ADARB2: variants seen among roughly 807,000 people sequenced by gnomAD.
ADARB2 encodes inactive double-stranded RNA-specific editase B2.
A neutral mutation model predicts 62.2 loss-of-function variants in ADARB2; 25 were observed. The ratio of observed to expected loss-of-function variants is 0.40; its 90% CI spans 0.29 to 0.56. The LOEUF (loss-of-function observed/expected upper bound fraction) is 0.56, where lower values mean the gene tolerates loss of function less well. Among genes scored for constraint, ADARB2 ranks in the 20% least tolerant of loss-of-function variants. The probability of loss-of-function intolerance (pLI) is 0.43; values close to 1 mark genes in which losing one functional copy is unlikely to be tolerated. For synonymous variants in ADARB2, 572 were observed against 500.8 expected, an observed-to-expected ratio of 1.14 and a Z score of -1.90; for missense variants, 1,071 against 1,077.4, an observed-to-expected ratio of 0.99 and a Z score of 0.08.
chr10:1,506,622 CAT>C (rs1831856166), intron 1 of ADARB2, among the ~76,000 whole-genome samples: 1 of 152,362 alleles, frequency 6.6e-6, no homozygotes, highest in South Asian at 2.1e-4. Flanking sequence ...TGCAGGGTCT[CAT>C]GTGGCTGTCC....
chr10:1,703,550 G>C (rs1305208231), intron 1 of ADARB2, among the ~76,000 whole-genome samples: 1 of 152,186 alleles, frequency 6.6e-6, no homozygotes, highest in Non-Finnish European at 1.5e-5. Flanking sequence ...GAACTGGAAA[G>C]TGAGGTATGT....
chr10:1,282,139 T>C (rs1220013708), intron 3 of ADARB2, among the ~76,000 whole-genome samples: 2 of 152,194 alleles, frequency 1.3e-5, no homozygotes, highest in Non-Finnish European at 2.9e-5. Context: ...CTCCAGGAAG[T>C]GGAGTTAGAA....
intron 1 of ADARB2, among the ~76,000 whole-genome samples, chr10:1,611,888 C>T (rs1434860388): frequency 1.3e-5 from 2 of 152,160 alleles, no homozygotes; most frequent in East Asian, 3.9e-4. Flanking sequence ...CCATGCACCC[C>T]AGATGCGTGG....
intron 1 of ADARB2, among the ~76,000 whole-genome samples, chr10:1,531,127 C>A (rs976978954): frequency 2.6e-5 from 4 of 152,226 alleles, no homozygotes; most frequent in African/African-American, 9.6e-5. Context: ...ATGTCCTGCC[C>A]GTGGGCCACC....
chr10:1,484,820 T>C (rs537888181), intron 1 of ADARB2, among the ~76,000 whole-genome samples: 19 of 152,130 alleles, frequency 1.2e-4, no homozygotes, highest in Non-Finnish European at 2.1e-4. Flanking sequence ...CCACCTATGT[T>C]GGCATGCAGG....
intron 1 of ADARB2, among the ~76,000 whole-genome samples, chr10:1,501,431 T>G (rs1831767451): frequency 6.6e-6 from 1 of 152,184 alleles, no homozygotes; most frequent in Non-Finnish European, 1.5e-5. Context: ...TCAGGGAGTT[T>G]GGTAAATTGC....
intron 1 of ADARB2, among the ~76,000 whole-genome samples, chr10:1,570,204 T>A (rs573080165): frequency 2.6e-4 from 39 of 152,328 alleles, no homozygotes; most frequent in Middle Eastern, 3.4e-3. Context: ...ACAGTATATG[T>A]TGAAGTTGAG....
In ADARB2 at chr10:1,208,055, C is replaced by T. The variant is rs556951745; in HGVS notation, c.1683-7908G>A. On this transcript the variant is annotated intron_variant, in intron 7 of 9. Transcript: ENST00000381312. ...GGCAGGGTTTGGTCTCCAGGGCACTCCTAACCTTACCTTGTGGCTTTGCAG... is the reference window on the plus strand; with the variant it reads ...GGCAGGGTTTGGTCTCCAGGGCACTTCTAACCTTACCTTGTGGCTTTGCAG... 5.9e-5 allele frequency among the ~76,000 whole-genome samples: 9 copies of T among 152,342 alleles called. No individual in the cohort carries two copies. The South Asian group carries it at 1.7e-3, about 28-fold the overall frequency.
chr10:1,282,352 C>A (rs1459618013), intron 3 of ADARB2, among the ~76,000 whole-genome samples: 2 of 152,208 alleles, frequency 1.3e-5, no homozygotes, highest in African/African-American at 2.4e-5. Flanking sequence ...CCCAGTGAAG[C>A]CCTTTCCGGG....
At chr10:1,354,929 G>A (rs1832180201) in intron 3 of ADARB2, among the ~76,000 whole-genome samples, 2 of 152,224 alleles carry the variant, frequency 1.3e-5, no homozygotes, top group Admixed American at 6.5e-5. Flanking sequence ...TAGCCTCTGA[G>A]CTCCATGGAG....
chr10:1,545,146 C>T (rs933614310), intron 1 of ADARB2, among the ~76,000 whole-genome samples: 4 of 152,148 alleles, frequency 2.6e-5, no homozygotes, highest in African/African-American at 7.2e-5. Context: ...CTGTGTCATG[C>T]GGTGCCACTT....
chr10:1,584,400 C>T (rs1363523730), intron 1 of ADARB2, among the ~76,000 whole-genome samples: 4 of 152,152 alleles, frequency 2.6e-5, no homozygotes, highest in Non-Finnish European at 5.9e-5. Flanking sequence ...GATGCCACTA[C>T]ACCCCTAATA....
At chr10:1,241,947 A>C (rs1025963539) in intron 5 of ADARB2, among the ~76,000 whole-genome samples, 184 bp downstream of exon 5, 1 of 152,242 alleles carries the variant, frequency 6.6e-6, no homozygotes, top group Non-Finnish European at 1.5e-5. Flanking sequence ...TTCCCAGCGC[A>C]CACGGCGGCT....
At chr10:1,506,676 G>C (rs1199075933) in intron 1 of ADARB2, among the ~76,000 whole-genome samples, 2 of 152,190 alleles carry the variant, frequency 1.3e-5, no homozygotes, top group Non-Finnish European at 2.9e-5. Context: ...TGTTCATCTC[G>C]TAAAAGAGGA....
intron 3 of ADARB2, among the ~76,000 whole-genome samples, chr10:1,273,408 C>T (rs567639586): frequency 3.6e-3 from 554 of 152,288 alleles, no homozygotes; most frequent in Non-Finnish European, 5.9e-3. Context: ...TTACAGGCTC[C>T]AGCCACTGGG....
intron 1 of ADARB2, among the ~76,000 whole-genome samples, chr10:1,524,962 T>C (rs1263339783): frequency 6.6e-6 from 1 of 152,206 alleles, no homozygotes; most frequent in African/African-American, 2.4e-5. Flanking sequence ...CACAAATACA[T>C]ACTGCTATGT....
intron 1 of ADARB2, among the ~76,000 whole-genome samples, chr10:1,494,392 A>G (rs1831662723): frequency 6.6e-6 from 1 of 152,156 alleles, no homozygotes; most frequent in African/African-American, 2.4e-5. Flanking sequence ...TAGATGGTAA[A>G]TGGAAATGGT....
chr10:1,273,602 C>T (rs1230977385), intron 3 of ADARB2, among the ~76,000 whole-genome samples: 1 of 152,204 alleles, frequency 6.6e-6, no homozygotes, highest in Non-Finnish European at 1.5e-5. Flanking sequence ...CCCGCCTGTG[C>T]CCCCCACGAC....
intron 1 of ADARB2, among the ~76,000 whole-genome samples, chr10:1,383,972 C>T (rs1398515497): frequency 1.3e-5 from 2 of 152,144 alleles, no homozygotes; most frequent in African/African-American, 2.4e-5. Context: ...TTCATTTATC[C>T]TATCTTTAAG....
Sources: gnomAD v4.1 joint callset for allele counts (sites outside exome capture counted in the v4.1 genomes callset) on GRCh38, gnomAD v4.1.1 for gene constraint, MANE v1.5 for transcripts, NCBI Gene and HGNC (gene_info 2026-07-23, HGNC 2026-07-21) for gene names.